TTN: variants seen among roughly 807,000 people sequenced by gnomAD.
TTN encodes titin.
A neutral mutation model predicts 3,223.0 loss-of-function variants in TTN; 1,525 were observed. The observed-to-expected ratio is 0.47, with a 90% CI of 0.45 to 0.49. The LOEUF (loss-of-function observed/expected upper bound fraction) is 0.49. Among genes scored for constraint, TTN ranks in the 20% least tolerant of loss-of-function variants. The pLI is 0.00. For synonymous variants in TTN, 14,094 were observed against 15,161.0 expected (o/e 0.93, Z 5.17); for missense variants, 40,786 against 43,424.0 (o/e 0.94, Z 5.40).
At chr2:178,670,961 T>C (rs1457474957) in intron 156 of TTN, 129 bp downstream of exon 156, 4 of 680,624 alleles carry the variant, frequency 5.9e-6, no homozygotes, top group Middle Eastern at 3.9e-4. Context: ...GATATTAGTT[T>C]GTTTTAGACA....
At position 178,641,279 on chromosome 2, in the gene TTN, A is replaced by G. The variant is rs756446770; in HGVS notation, c.40595T>C (p.Val13532Ala). Residue 13532 changes from valine to alanine, a missense_variant, in exon 220 of 363, where the codon GTA becomes GCA. Coordinates refer to ENST00000589042, the MANE Select transcript of TTN (RefSeq NM_001267550.2). ...RKRPEEEEPKVEPKKLEKVKK... is the reference protein window; with the variant it reads ...RKRPEEEEPKAEPKKLEKVKK... ...AACTTTTTCTAGTTTTTTAGGTTCT[A>G]CTTTAGGTTCTTCTTCTTCAGGTCT... 12 of 1,511,732 alleles carry G rather than the reference A, an allele frequency of 7.9e-6. No homozygotes were observed. Among genetic ancestry groups the G allele is most frequent in the African/African-American group, 7.2e-5 (5 of 69,776 alleles). 93.6% of individuals were successfully genotyped at this position (1,511,732 alleles called of 1,614,324 possible). A position where few individuals can be genotyped will look rare whatever the true frequency, so the allele number is the denominator to read the frequency against.
chr2:178,580,787 T>C (rs1365566968), intron 316 of TTN, 178 bp from the exon 317 acceptor site: 2 of 673,278 alleles, frequency 3.0e-6, no homozygotes, highest in East Asian at 5.8e-5. Context: ...TGTTGATCTT[T>C]CCATTTTCCA....
In TTN at chr2:178,680,064, A is replaced by G. The variant is rs1030703466; in HGVS notation, c.33419-9T>C. 9 of 1,610,476 alleles carry G rather than the reference A, an allele frequency of 5.6e-6. No homozygotes were observed. The Admixed American group carries it at 8.4e-5, about 15-fold the overall frequency. ...TTTAGGCACTTCTGGCACTTTAAAG[A>G]TATTATCTTTAAGTTGGACATTTGC... On this transcript the variant is annotated splice_polypyrimidine_tract_variant and intron_variant, in intron 139 of 362. Coordinates refer to ENST00000589042, the MANE Select transcript of TTN (RefSeq NM_001267550.2).
Position 178,795,051 on chromosome 2 carries a change from T to G in TTN, c.1116A>C (p.Thr372=). 2.5e-6 allele frequency: 4 copies of G among 1,613,718 alleles called. No homozygotes were observed. The highest frequency in any genetic ancestry group is 3.4e-6 in the Non-Finnish European group (4 of 1,180,014). ...TTLTTSTQIR[T]EERWEGRYGV... ...CGTATCTCCCTTCCCATCTCTCTTC[T>G]GTCCTGATCTGAGTAGAGGTTGTCA... Residue 372 remains threonine, a synonymous_variant, in exon 7 of 363, where the codon ACA becomes ACC. Coordinates refer to ENST00000589042, the MANE Select transcript of TTN (RefSeq NM_001267550.2).
rs372155974 is a variant in TTN at position 178,565,512 on chromosome 2, T to C, written c.80620A>G (p.Lys26874Glu). Residue 26874 changes from lysine (K) to glutamate (E), a missense_variant, in exon 326 of 363, where the codon AAG becomes GAG. Coordinates refer to ENST00000589042, the MANE Select transcript of TTN (RefSeq NM_001267550.2). ...PRVLGVPVIA[K>E]DLTIQPSLKL... Reference sequence around the variant, plus strand: ...AAACTAGGCTGTATAGTCAAGTCCTTGGCTATGACAGGAACACCCAACACT... The same window carrying C: ...AAACTAGGCTGTATAGTCAAGTCCTCGGCTATGACAGGAACACCCAACACT... 6.2e-7 allele frequency: 1 copy of C among 1,613,374 alleles called. No individual in the cohort carries two copies. Among genetic ancestry groups the C allele is most frequent in the Non-Finnish European group, 8.5e-7 (1 of 1,179,600 alleles).
chr2:178,757,796 C>T lies in TTN; in HGVS notation c.10424G>A (p.Arg3475Lys). ...TCTGACTGTCTCCCCGTTGTGCACC[C>T]TGAGGCTTGACAGAGGCTGGATGAA... ...PSFIQPLSSLRVHNGETVRFH... is the reference protein window; with the variant it reads ...PSFIQPLSSLKVHNGETVRFH... The change falls in exon 45 of 363, where the codon AGG (arginine) becomes AAG (lysine). Residue 3475 changes from arginine to lysine, a missense_variant. Arg to Lys is a conservative substitution (Grantham distance 26, BLOSUM62 2). Coordinates refer to ENST00000589042, the MANE Select transcript of TTN (RefSeq NM_001267550.2). 1 of 1,613,252 alleles carries T rather than the reference C, an allele frequency of 6.2e-7. No individual in the cohort carries two copies. The highest frequency in any genetic ancestry group is 8.5e-7 in the Non-Finnish European group (1 of 1,179,392).
chr2:178,690,804 CG>C (rs1560416586), intron 121 of TTN, among the ~76,000 whole-genome samples: 1 of 151,876 alleles, frequency 6.6e-6, no homozygotes, highest in Non-Finnish European at 1.5e-5. Flanking sequence ...TATATATATA[CG>C]TGCTATTATA....
chr2:178,778,796 C>A, intron 24 of TTN, 78 bp downstream of exon 24: 1 of 1,591,824 alleles, frequency 6.3e-7, no homozygotes, highest in Non-Finnish European at 8.6e-7. Flanking sequence ...TTTCTTCTTA[C>A]ACAATAGCAA....
chr2:178,639,848 G>T, intron 222 of TTN, 60 bp from the exon 223 acceptor site: 3 of 1,496,466 alleles, frequency 2.0e-6, no homozygotes, highest in Non-Finnish European at 2.7e-6. Flanking sequence ...AAACTTATTT[G>T]GTAGCTTATT....
In TTN at chr2:178,781,181, T is replaced by C. The variant is rs755080553; in HGVS notation, c.3463A>G (p.Thr1155Ala). 1.9e-6 allele frequency: 3 copies of C among 1,614,054 alleles called. No homozygotes were observed. Among genetic ancestry groups the C allele is most frequent in the Non-Finnish European group, 2.5e-6 (3 of 1,179,956 alleles). ...MTFADDAGEY[T>A]IVVRNKHGET... ...CCATGCTTATTGCGAACAACAATAG[T>C]GTATTCTCCAGCATCATCAGCAAAA... Residue 1155 changes from threonine to alanine, a missense_variant, in exon 21 of 363, where the codon ACT (threonine) becomes GCT (alanine). Physicochemically the swap from Thr to Ala is moderately conservative, Grantham distance 58 (BLOSUM62 0). Transcript: ENST00000589042.
At chr2:178,793,142 C>G (rs1016565776) in intron 9 of TTN, among the ~76,000 whole-genome samples, 3 of 152,138 alleles carry the variant, frequency 2.0e-5, no homozygotes, top group Non-Finnish European at 4.4e-5. Context: ...TAGTGCATCC[C>G]CAGATCAATG....
intron 132 of TTN, 114 bp from the exon 133 acceptor site, chr2:178,684,196 T>C: frequency 1.4e-6 from 2 of 1,384,628 alleles, no homozygotes; most frequent in East Asian, 2.3e-5. Context: ...ATTTCAAACA[T>C]AAAACAACAA....
chr2:178,664,827 A>T, intron 166 of TTN, 25 bp downstream of exon 166: 3 of 1,610,882 alleles, frequency 1.9e-6, no homozygotes, highest in Non-Finnish European at 2.5e-6. Context: ...CTAGTTCTTG[A>T]CCCTGAGAGC....
chr2:178,536,715 T>C, intron 356 of TTN, 140 bp from the exon 357 acceptor site: 1 of 889,592 alleles, frequency 1.1e-6, no homozygotes, highest in South Asian at 2.3e-5. Flanking sequence ...TTGGTTACTT[T>C]ATACTAAGAC....
Position 178,586,549 on chromosome 2 carries a change from A to T in TTN, c.64352T>A (p.Leu21451Ter), listed in dbSNP as rs777425925. Reference sequence around the variant, plus strand: ...ATACACTCCTTCAGCTTCTCTTGGCAAACTGACTCCAACAGCATTTCTGGC... The same window carrying T: ...ATACACTCCTTCAGCTTCTCTTGGCTAACTGACTCCAACAGCATTTCTGGC... ...VAARNAVGVS[L>*]PREAEGVYEA... is the part of the protein sequence containing the mutation. The change falls in exon 308 of 363, where the codon TTG (leucine) becomes TAG (stop). Residue 21451 changes from leucine (L) to a stop codon, truncating the protein, a stop_gained. Coordinates refer to ENST00000589042, the MANE Select transcript of TTN (RefSeq NM_001267550.2). LOFTEE classifies it high-confidence loss of function. 1 of 1,613,228 alleles carries T rather than the reference A, an allele frequency of 6.2e-7. No individual in the cohort carries two copies. The highest frequency in any genetic ancestry group is 1.7e-5 in the Admixed American group (1 of 59,980).
rs773148195 is a variant in TTN at position 178,607,825 on chromosome 2, C to T, written c.52962G>A (p.Pro17654=). The T allele has an allele frequency of 2.4e-5, 38 of 1,612,982 alleles. No individual in the cohort carries two copies. Among genetic ancestry groups the T allele is most frequent in the Admixed American group, 3.3e-5 (2 of 59,954 alleles). The change falls in exon 276 of 363, where the codon CCG becomes CCA. Residue 17654 remains proline, a synonymous_variant. Transcript: ENST00000589042. ...VSAVNAAGEG[P]PGETQPVTVA... ...CAGTAACAGGTTGTGTTTCTCCAGG[C>T]GGTCCTTCCCCTGCGGCATTGACAG...
In TTN at chr2:178,542,284, A is replaced by T; in HGVS notation, c.97472T>A (p.Ile32491Lys). The change falls in exon 349 of 363, where the codon ATA becomes AAA. Residue 32491 changes from isoleucine to lysine, a missense_variant. Ile to Lys is a moderately radical substitution (Grantham distance 102). Transcript: ENST00000589042. ...CTTACGGATGCTGCTGCGACACTCT[A>T]TGACCTCAGACTGCAAGTAAGAGCC... The part of the protein sequence containing the change: ...GIGSYLQSEV[I>K]ECRSSIRIPG... The T allele has an allele frequency of 6.2e-7, 1 of 1,610,752 alleles. No homozygotes were observed. Among genetic ancestry groups the T allele is most frequent in the Non-Finnish European group, 8.5e-7 (1 of 1,178,360 alleles).
chr2:178,722,067 A>C lies in TTN; in HGVS notation c.22596T>G (p.Ala7532=). 2.5e-6 allele frequency: 4 copies of C among 1,611,928 alleles called. No homozygotes were observed. The South Asian group carries it at 4.4e-5, about 18-fold the overall frequency. ...CACCAGTAACATGACACTCAAAATCAGCACTTTCTCCAGCAATAACATCTA... is the reference window on the plus strand; with the variant it reads ...CACCAGTAACATGACACTCAAAATCCGCACTTTCTCCAGCAATAACATCTA... ...VSIDVIAGES[A]DFECHVTGAQ... is the part of the protein sequence containing the mutation. The change falls in exon 78 of 363, where the codon GCT becomes GCG. Residue 7532 remains alanine, a synonymous_variant. Transcript: ENST00000589042.
rs749100259 is a variant in TTN, at chr2:178,701,522, T to C, written c.30598+6A>G. 9.3e-6 allele frequency: 15 copies of C among 1,612,218 alleles called. No individual in the cohort carries two copies. The highest frequency in any genetic ancestry group is 1.7e-5 in the Admixed American group (1 of 59,634). On this transcript the variant is annotated splice_donor_region_variant and intron_variant, in intron 110 of 362. Transcript: ENST00000589042. ...CAAGCTCAGATGTTGAGGTTCTGGG[T>C]CTTACCTTCTGGTGGCACTGCTCTG... is the stretch of plus-strand genomic sequence containing the variant.
Sources: gnomAD v4.1 joint callset for allele counts (sites outside exome capture counted in the v4.1 genomes callset) on GRCh38, gnomAD v4.1.1 for gene constraint, MANE v1.5 for transcripts, NCBI Gene and HGNC (gene_info 2026-07-23, HGNC 2026-07-21) for gene names.